The following PPP4R1 variants were observed in gnomAD, a reference collection of about 807,000 sequenced individuals.
PPP4R1 encodes protein phosphatase 4 regulatory subunit 1.
Under a neutral mutation model 111.2 loss-of-function variants are expected in PPP4R1, and 42 were observed. The ratio of observed to expected loss-of-function variants is 0.38; its 90% CI spans 0.29 to 0.49. PPP4R1 has a LOEUF of 0.49. Ranked by LOEUF, PPP4R1 falls within the 20% of genes least tolerant of loss-of-function variation. The pLI, the probability that PPP4R1 is intolerant of heterozygous loss-of-function variation, is 0.97. For synonymous variants in PPP4R1, 409 were observed against 405.5 expected (o/e 1.01, Z -0.10); for missense variants, 1,012 against 1,161.6 (o/e 0.87, Z 1.87).
At chr18:9,603,874 A>C (rs1337821826) in intron 2 of PPP4R1, among the ~76,000 whole-genome samples, 1 of 152,220 alleles carries the variant, frequency 6.6e-6, no homozygotes, top group Admixed American at 6.5e-5. Context: ...AAAATACATC[A>C]AGGTAAATTT....
At chr18:9,574,681 T>C (rs546622556) in intron 10 of PPP4R1, among the ~76,000 whole-genome samples, 143 of 152,328 alleles carry the variant, frequency 9.4e-4, no homozygotes, top group Middle Eastern at 3.4e-3. Context: ...GGGAGGCTAC[T>C]GGATGATAGA....
intron 2 of PPP4R1, among the ~76,000 whole-genome samples, chr18:9,598,184 G>T (rs1439989835): frequency 6.6e-6 from 1 of 152,096 alleles, no homozygotes; most frequent in Non-Finnish European, 1.5e-5. Context: ...TCAATTGTAG[G>T]AAAACTCCAA....
intron 13 of PPP4R1, among the ~76,000 whole-genome samples, chr18:9,560,271 ACT>A (rs2066652071): frequency 6.6e-6 from 1 of 151,982 alleles, no homozygotes; most frequent in African/African-American, 2.4e-5. Context: ...ACAGAGTGAG[ACT>A]CTGTCTCAAA....
rs10686779 is a variant in PPP4R1, at chr18:9,558,699, G to GCT, written c.2028+719_2028+720insAG. On this transcript the variant is annotated intron_variant, in intron 14 of 19. Transcript: ENST00000400556. ...CAGTACAAATTAGCCTAATCAGACT[G>GCT]TTTTTTTTTTTTTTTAAATAACTGA... Among the ~76,000 whole-genome samples, 585 of 148,080 alleles carry GCT rather than the reference G, an allele frequency of 4.0e-3. 12 individuals carry two copies. Among genetic ancestry groups the GCT allele is most frequent in the African/African-American group, 6.5e-3 (262 of 40,208 alleles).
chr18:9,550,600 G>A, intron 16 of PPP4R1: 2 of 587,572 alleles, frequency 3.4e-6, no homozygotes, highest in Non-Finnish European at 5.8e-6. Context: ...TGCTATTCAA[G>A]TTCCTTAGAG....
intron 14 of PPP4R1, among the ~76,000 whole-genome samples, chr18:9,559,113 C>T (rs540108504): frequency 1.9e-4 from 29 of 152,164 alleles, no homozygotes; most frequent in African/African-American, 7.0e-4. Context: ...AAATTAAATC[C>T]TATATTCGGA....
chr18:9,584,905 A>T, intron 6 of PPP4R1, 77 bp from the exon 7 acceptor site: 2 of 1,178,640 alleles, frequency 1.7e-6, no homozygotes, highest in Non-Finnish European at 2.4e-6. Context: ...ATAAAAGTAT[A>T]TAATTTGAGG....
intron 6 of PPP4R1, among the ~76,000 whole-genome samples, chr18:9,585,378 C>T (rs1252348306): frequency 6.6e-6 from 1 of 152,186 alleles, no homozygotes; most frequent in African/African-American, 2.4e-5. Context: ...AAAGCATGAA[C>T]ACAGTTCTGA....
chr18:9,603,832 C>A (rs1249822262), intron 2 of PPP4R1, among the ~76,000 whole-genome samples: 2 of 152,042 alleles, frequency 1.3e-5, no homozygotes, highest in Non-Finnish European at 1.5e-5. Context: ...AGAAATGTGA[C>A]TGGGCAATCA....
chr18:9,555,004 T>C (rs997912975), intron 15 of PPP4R1, among the ~76,000 whole-genome samples: 1 of 152,118 alleles, frequency 6.6e-6, no homozygotes, highest in African/African-American at 2.4e-5. Context: ...TGTTACTTAA[T>C]AAAAACAGAA....
chr18:9,589,606 C>T (rs2067177179), intron 4 of PPP4R1, among the ~76,000 whole-genome samples: 1 of 151,914 alleles, frequency 6.6e-6, no homozygotes, highest in African/African-American at 2.4e-5. Flanking sequence ...ACTAATTATA[C>T]ATTATAAAAA....
At position 9,593,863 on chromosome 18, in the gene PPP4R1, G is replaced by A; in HGVS notation, c.200C>T (p.Ala67Val). The A allele has an allele frequency of 6.2e-7, 1 of 1,613,334 alleles. No homozygotes were observed. The highest frequency in any genetic ancestry group is 2.2e-5 in the East Asian group (1 of 44,868). The change falls in exon 4 of 20, where the codon GCC (alanine) becomes GTC (valine). Residue 67 changes from alanine (A) to valine (V), a missense_variant. Ala to Val is a moderately conservative substitution (Grantham distance 64). Transcript: ENST00000400556. ...CCTCAAGGTATCGAGCAAACTCCGGGCCACCATTTGTCTACACAAAAAAAA... is the reference window on the plus strand; with the variant it reads ...CCTCAAGGTATCGAGCAAACTCCGGACCACCATTTGTCTACACAAAAAAAA... ...SENIFNRQMV[A>V]RSLLDTLREV...
In PPP4R1 at chr18:9,553,406, T is replaced by C. The variant is rs924034971; in HGVS notation, c.2207A>G (p.Lys736Arg). The C allele has an allele frequency of 1.3e-6, 2 of 1,578,242 alleles. No homozygotes were observed. The highest frequency in any genetic ancestry group is 1.7e-6 in the Non-Finnish European group (2 of 1,149,216). ...AAGTTGATAAAGATATTCTCTTCTTTTGTCAATATGAAGAAGCTAAAGTAA... is the reference window on the plus strand; with the variant it reads ...AAGTTGATAAAGATATTCTCTTCTTCTGTCAATATGAAGAAGCTAAAGTAA... ...HDFLKLLHID[K>R]RREYLYQLQE... is the part of the protein sequence containing the mutation. The change falls in exon 16 of 20, where the codon AAA becomes AGA. Residue 736 changes from lysine to arginine, a missense_variant. Physicochemically the swap from Lys to Arg is conservative, Grantham distance 26. This residue lies in a region of PPP4R1 where 305 missense variants were observed against 419.5 expected (regional missense o/e 0.73). Coordinates refer to ENST00000400556, the MANE Select transcript of PPP4R1 (RefSeq NM_001042388.3).
At chr18:9,610,598 G>A (rs187322050) in intron 2 of PPP4R1, among the ~76,000 whole-genome samples, 7 of 151,976 alleles carry the variant, frequency 4.6e-5, no homozygotes, top group African/African-American at 1.4e-4. Context: ...GAGCAGCTGC[G>A]ACTACAGGTG....
chr18:9,604,746 C>T (rs2067450125), intron 2 of PPP4R1, among the ~76,000 whole-genome samples: 1 of 152,072 alleles, frequency 6.6e-6, no homozygotes, highest in South Asian at 2.1e-4. Flanking sequence ...TCCTACCTTC[C>T]CTTCTCCTCT....
At position 9,550,206 on chromosome 18, in the gene PPP4R1, GAAATGA is replaced by G. The variant is rs761656996; in HGVS notation, c.2413-26_2413-21del. On this transcript the variant is annotated intron_variant, in intron 17 of 19. Transcript: ENST00000400556. ...GCTGACCTGGGAGGGTGAGCATGGA[GAAATGA>G]GGAACAGCTTCCATTCTAGGATCTT... The G allele has an allele frequency of 4.3e-6, 7 of 1,614,200 alleles. No homozygotes were observed. In the South Asian group the frequency reaches 7.7e-5, roughly 18 times the overall value.
At chr18:9,580,065 C>T (rs187971703) in intron 9 of PPP4R1, among the ~76,000 whole-genome samples, 276 of 152,140 alleles carry the variant, frequency 1.8e-3, no homozygotes, top group African/African-American at 6.2e-3. Context: ...TCTAACAAGC[C>T]GATACAGGAT....
At chr18:9,567,556 G>A (rs1365796688) in intron 11 of PPP4R1, among the ~76,000 whole-genome samples, 1 of 152,170 alleles carries the variant, frequency 6.6e-6, no homozygotes, top group Admixed American at 6.5e-5. Context: ...CTTAGGATGA[G>A]CAAAGAAAGT....
At chr18:9,597,670 C>CA (rs1568122969) in intron 2 of PPP4R1, among the ~76,000 whole-genome samples, 3 of 152,116 alleles carry the variant, frequency 2.0e-5, no homozygotes, top group Non-Finnish European at 4.4e-5. Context: ...TTTTGCCTAA[C>CA]AAAGCTTAAC....
Sources: gnomAD v4.1 joint callset for allele counts (sites outside exome capture counted in the v4.1 genomes callset) on GRCh38, gnomAD v4.1.1 for gene constraint, gnomAD v4.1.1 regional missense constraint, MANE v1.5 for transcripts, NCBI Gene and HGNC (gene_info 2026-07-23, HGNC 2026-07-21) for gene names.